Variants in ANKDD1A observed in about 807,000 individuals in gnomAD.
ANKDD1A encodes the protein ankyrin repeat and death domain containing 1A.
A neutral mutation model predicts 63.5 loss-of-function variants in ANKDD1A; 59 were observed. That is an observed-to-expected ratio of 0.93 (90% CI 0.75 to 1.15). The LOEUF (loss-of-function observed/expected upper bound fraction) is 1.15, where lower values mean the gene tolerates loss of function less well. Among genes scored for constraint, ANKDD1A ranks in the 50% most tolerant of loss-of-function variants. The pLI is 0.00. For missense variants in ANKDD1A, 632 were observed against 656.4 expected, an observed-to-expected ratio of 0.96 and a Z score of 0.41; for synonymous variants, 266 against 263.9, an observed-to-expected ratio of 1.01 and a Z score of -0.08.
chr15:64,940,749 A>G (rs947752534), intron 9 of ANKDD1A, among the ~76,000 whole-genome samples: 1 of 146,356 alleles, frequency 6.8e-6, no homozygotes, highest in African/African-American at 2.5e-5. Context: ...AGACAGACAG[A>G]TTTTTTAGAG....
At chr15:64,920,481 G>A (rs1405098231) in intron 3 of ANKDD1A, among the ~76,000 whole-genome samples, 3 of 152,192 alleles carry the variant, frequency 2.0e-5, no homozygotes, top group South Asian at 2.1e-4. Context: ...GTTTGACTGC[G>A]CAGGGATGTC....
In ANKDD1A at chr15:64,920,913, T is replaced by C. The variant is rs140554943; in HGVS notation, c.268-1008T>C. On this transcript the variant is annotated intron_variant, in intron 3 of 14. Coordinates refer to ENST00000319580, the MANE Select transcript of ANKDD1A (RefSeq NM_182703.6). ...TCCAGGATAAGGTCTTCACCAGTCA[T>C]AGCAAATCAGAAAACAGGGACAACG... is the stretch of plus-strand genomic sequence containing the variant. Among the ~76,000 whole-genome samples, 305 of 152,336 alleles carry C rather than the reference T, an allele frequency of 2.0e-3. 2 individuals carry two copies. Among genetic ancestry groups the C allele is most frequent in the Non-Finnish European group, 3.8e-3 (261 of 68,028 alleles).
intron 1 of ANKDD1A, among the ~76,000 whole-genome samples, chr15:64,915,351 C>CCT (rs999194305): frequency 6.6e-6 from 1 of 152,174 alleles, no homozygotes; most frequent in Non-Finnish European, 1.5e-5. Flanking sequence ...GGTAAACATG[C>CCT]CTCTGGCCTC....
chr15:64,956,553 A>AAAAC (rs113340461), intron 14 of ANKDD1A, among the ~76,000 whole-genome samples: 1 of 151,498 alleles, frequency 6.6e-6, no homozygotes, highest in Non-Finnish European at 1.5e-5. Flanking sequence ...ACTCTGTCTC[A>AAAAC]AAACAAACAA....
At chr15:64,927,877 T>G (rs1301793177) in intron 6 of ANKDD1A, among the ~76,000 whole-genome samples, 1 of 152,168 alleles carries the variant, frequency 6.6e-6, no homozygotes, top group Non-Finnish European at 1.5e-5. Context: ...AGTGCTGGGA[T>G]TACACGCGTA....
rs181095728 is a variant in ANKDD1A, at chr15:64,958,414, G to A, written c.*1226G>A. On this transcript the variant is annotated 3_prime_UTR_variant, in exon 15 of 15. Coordinates refer to ENST00000319580, the MANE Select transcript of ANKDD1A (RefSeq NM_182703.6). Reference sequence around the variant, plus strand: ...AATAATCGGGGAAACTGTGTGTGCTGAAGAGTACGTGGGAGCTCTCTGTGC... The same window carrying A: ...AATAATCGGGGAAACTGTGTGTGCTAAAGAGTACGTGGGAGCTCTCTGTGC... 1.3e-5 allele frequency: 2 copies of A among 152,274 alleles called. No homozygotes were observed. The highest frequency in any genetic ancestry group is 1.9e-4 in the East Asian group (1 of 5,194). The allele number at this position is 152,274 out of a possible 1,614,324, so 9.4% of individuals were successfully genotyped here.
chr15:64,941,034 C>T (rs1273382201), intron 9 of ANKDD1A, among the ~76,000 whole-genome samples: 2 of 152,246 alleles, frequency 1.3e-5, no homozygotes, highest in South Asian at 2.1e-4. Flanking sequence ...TGAGCTACCA[C>T]ACCTGGCCTT....
chr15:64,950,677 A>G, intron 14 of ANKDD1A: 1 of 980,842 alleles, frequency 1.0e-6, no homozygotes, highest in Non-Finnish European at 1.2e-6. Flanking sequence ...TATTTCTAGT[A>G]TATTGCTGAG....
In ANKDD1A at chr15:64,954,604, TTCC is replaced by T. The variant is rs1203403605; in HGVS notation, c.1484-2491_1484-2489del. 1.5e-3 allele frequency among the ~76,000 whole-genome samples: 209 copies of T among 141,588 alleles called. No individual in the cohort carries two copies. The Middle Eastern group carries it at 0.025, about 17-fold the overall frequency. The allele number at this position is 141,588 out of a possible 152,430, so 92.9% of individuals were successfully genotyped here. The stretch of plus-strand genomic sequence containing the variant: ...TCCTTATTCTTCCTTCTTCTCCTTC[TTCC>T]TCCTCCTTCCTCTTTTCTTCTTCCT... On this transcript the variant is annotated intron_variant, in intron 14 of 14. Coordinates refer to ENST00000319580, the MANE Select transcript of ANKDD1A (RefSeq NM_182703.6).
chr15:64,951,554 C>CTGCTT (rs1216100115), intron 14 of ANKDD1A: 2 of 1,344 alleles, frequency 1.5e-3, no homozygotes, highest in Admixed American at 0.025. Context: ...TTCTTCTCTT[C>CTGCTT]TTTCTTTTTC....
At chr15:64,917,753 C>T (rs2084980590) in intron 3 of ANKDD1A, among the ~76,000 whole-genome samples, 1 of 152,192 alleles carries the variant, frequency 6.6e-6, no homozygotes, top group Non-Finnish European at 1.5e-5. Context: ...TTCAGTCCCT[C>T]ATGATACCAT....
intron 9 of ANKDD1A, among the ~76,000 whole-genome samples, chr15:64,941,054 T>C (rs2085181117): frequency 6.6e-6 from 1 of 152,238 alleles, no homozygotes; most frequent in Admixed American, 6.5e-5. Context: ...TGCCATTTCT[T>C]TATGTCTTCT....
At chr15:64,925,186 C>CCA (rs1407638776) in intron 4 of ANKDD1A, among the ~76,000 whole-genome samples, 3 of 146,606 alleles carry the variant, frequency 2.0e-5, no homozygotes, top group Non-Finnish European at 4.5e-5. Flanking sequence ...CGAGATCGCA[C>CCA]CACTGTACTC....
At chr15:64,951,857 CTT>C (rs2085289526) in intron 14 of ANKDD1A, among the ~76,000 whole-genome samples, 4 of 26,754 alleles carry the variant, frequency 1.5e-4, no homozygotes, top group Admixed American at 1.3e-3. Flanking sequence ...CTTCTTTCTT[CTT>C]CCTCTTCTTT....
rs2085211217 is a variant in ANKDD1A at position 64,944,848 on chromosome 15, C to T, written c.1161+101C>T. 2.7e-6 allele frequency: 3 copies of T among 1,127,626 alleles called. No homozygotes were observed. In the East Asian group the frequency reaches 7.5e-5, roughly 28 times the overall value. 69.9% of individuals were successfully genotyped at this position (1,127,626 alleles called of 1,614,324 possible). ...CCCTAGGCCTGACCAATTCTGGGTC[C>T]CTCAGTCTCCAAGCAGGTGATAATC... On this transcript the variant is annotated intron_variant, in intron 12 of 14. Coordinates refer to ENST00000319580, the MANE Select transcript of ANKDD1A (RefSeq NM_182703.6).
chr15:64,945,470 C>G (rs2085214655), intron 12 of ANKDD1A, among the ~76,000 whole-genome samples: 1 of 151,410 alleles, frequency 6.6e-6, no homozygotes, highest in Non-Finnish European at 1.5e-5. Flanking sequence ...AGATATTCAG[C>G]ACTTTATTAT....
chr15:64,951,626 CTTCTT>C (rs1182020001), intron 14 of ANKDD1A, among the ~76,000 whole-genome samples: 9 of 73,560 alleles, frequency 1.2e-4, no homozygotes, highest in East Asian at 4.6e-4. Flanking sequence ...TTCTTCTTCT[CTTCTT>C]TTCTTCTTCT....
At chr15:64,940,695 C>T (rs946971173) in intron 9 of ANKDD1A, among the ~76,000 whole-genome samples, 1 of 152,046 alleles carries the variant, frequency 6.6e-6, no homozygotes, top group Non-Finnish European at 1.5e-5. Flanking sequence ...ACCTCGGCCT[C>T]CCAAAGTGCT....
chr15:64,951,011 T>C, intron 14 of ANKDD1A: 1 of 1,272,116 alleles, frequency 7.9e-7, no homozygotes, highest in South Asian at 1.3e-5. Flanking sequence ...TGCACAGCCA[T>C]GTAACCGGAG....
Sources: allele counts gnomAD v4.1 joint callset (sites outside exome capture counted in the v4.1 genomes callset), GRCh38; gene constraint gnomAD v4.1.1; transcripts MANE v1.5; gene names NCBI Gene and HGNC (gene_info 2026-07-23, HGNC 2026-07-21).